Variants in SCML4 observed in about 807,000 individuals in gnomAD.
The protein encoded by SCML4 is Scm polycomb group protein like 4, also known as sex comb on midleg-like protein 4.
SCML4 carries 34 observed loss-of-function variants against 41.1 expected under a neutral mutation model. The observed-to-expected ratio is 0.83, with a 90% confidence interval of 0.63 to 1.10. SCML4 has a LOEUF of 1.10. Ranked by LOEUF, SCML4 falls within the 50% of genes least tolerant of loss-of-function variation. The pLI is 0.00. For synonymous variants in SCML4, 214 were observed against 220.9 expected (o/e 0.97, Z 0.28); for missense variants, 522 against 534.1 (o/e 0.98, Z 0.22).
At chr6:107,832,474 A>G in the SCML4 span, among the ~76,000 whole-genome samples, 1 of 152,128 alleles carries the variant, frequency 6.6e-6, no homozygotes, top group Non-Finnish European at 1.5e-5. Flanking sequence ...AGGAGCAAGG[A>G]AGCTTCTTTC....
At chr6:107,735,980 A>G (rs921223150) in intron 5 of SCML4, among the ~76,000 whole-genome samples, 13 of 152,132 alleles carry the variant, frequency 8.5e-5, no homozygotes, top group African/African-American at 2.9e-4. Flanking sequence ...TTTTCTACCC[A>G]TCATTCCACA....
chr6:107,708,923 C>T (rs914526340), intron 6 of SCML4, among the ~76,000 whole-genome samples: 1 of 152,164 alleles, frequency 6.6e-6, no homozygotes, highest in African/African-American at 2.4e-5. Context: ...GCTCCTCTTC[C>T]TATCTCCCCC....
chr6:107,815,229 T>C (rs1477102396), intron 1 of SCML4, among the ~76,000 whole-genome samples: 1 of 152,222 alleles, frequency 6.6e-6, no homozygotes, highest in Non-Finnish European at 1.5e-5. Flanking sequence ...GTGATGGTTG[T>C]ATCTGATACA....
At chr6:107,761,808 CT>C (rs71015510) in intron 2 of SCML4, among the ~76,000 whole-genome samples, 107,344 of 147,742 alleles carry the variant, frequency 0.73, 40,408 homozygotes, top group East Asian at 0.9. Flanking sequence ...AAAAAAAAGT[CT>C]TTTTTTTTTT....
At chr6:107,709,412 T>C (rs1774014812) in intron 6 of SCML4, among the ~76,000 whole-genome samples, 1 of 152,204 alleles carries the variant, frequency 6.6e-6, no homozygotes, top group Non-Finnish European at 1.5e-5. Context: ...AATGGGATAG[T>C]GCCCTGCCCC....
intron 1 of SCML4, among the ~76,000 whole-genome samples, chr6:107,792,851 G>A (rs1782439958): frequency 6.6e-6 from 1 of 152,158 alleles, no homozygotes. Flanking sequence ...ACCTCACTTA[G>A]ATTTTGGTGT....
rs139960180 is a variant in SCML4, at chr6:107,776,573, T to C, written c.-59-4187A>G. 1.9e-3 allele frequency among the ~76,000 whole-genome samples: 294 copies of C among 152,326 alleles called. 2 individuals are homozygous for C. The highest frequency in any genetic ancestry group is 6.8e-3 in the African/African-American group (283 of 41,578). On this transcript the variant is annotated intron_variant, in intron 1 of 7. Transcript: ENST00000369020. ...TGATAAATGTGAAAAACCCTGACAA[T>C]ACTCATGTTGGTGAGGGGCTGATGC...
At chr6:107,840,348 C>G in the SCML4 span, among the ~76,000 whole-genome samples, 1 of 152,326 alleles carries the variant, frequency 6.6e-6, no homozygotes, top group African/African-American at 2.4e-5. Context: ...AGGTGCCTGG[C>G]ACACACCTAT....
chr6:107,727,665 C>T (rs1046865282), intron 5 of SCML4, among the ~76,000 whole-genome samples: 2 of 152,244 alleles, frequency 1.3e-5, no homozygotes, highest in African/African-American at 4.8e-5. Context: ...CGCTGCATCT[C>T]TTCCCTCTGG....
intron 1 of SCML4, among the ~76,000 whole-genome samples, chr6:107,806,995 G>A (rs1380445267): frequency 1.3e-5 from 2 of 152,020 alleles, no homozygotes; most frequent in Non-Finnish European, 2.9e-5. Flanking sequence ...ACCAGGGTAG[G>A]GAGAGGAGGG....
intron 1 of SCML4, among the ~76,000 whole-genome samples, chr6:107,801,123 G>A (rs1390897114): frequency 1.3e-5 from 2 of 152,162 alleles, no homozygotes; most frequent in Non-Finnish European, 2.9e-5. Flanking sequence ...TGTGGTTTAT[G>A]TCTTCTGACT....
chr6:107,823,261 C>A lies in SCML4; in HGVS notation c.-60+865G>T, dbSNP rs534263020. Among the ~76,000 whole-genome samples the A allele has an allele frequency of 4.4e-4, 67 of 152,286 alleles. 1 individual carries two copies. Among genetic ancestry groups the A allele is most frequent in the African/African-American group, 1.5e-3 (61 of 41,544 alleles). On this transcript the variant is annotated intron_variant, in intron 1 of 7. Coordinates refer to ENST00000369020, the MANE Select transcript of SCML4 (RefSeq NM_198081.5). Reference sequence around the variant, plus strand: ...ACAACACGAGGAGACACCTCTCGTTCACGATCACAGATAGTGGAAAGAACT... The same window carrying A: ...ACAACACGAGGAGACACCTCTCGTTAACGATCACAGATAGTGGAAAGAACT...
chr6:107,764,214 G>A (rs1023374403), intron 2 of SCML4, among the ~76,000 whole-genome samples: 3 of 152,168 alleles, frequency 2.0e-5, no homozygotes, highest in East Asian at 1.9e-4. Flanking sequence ...GGGTCTACTC[G>A]TACATTTTTC....
intron 6 of SCML4, chr6:107,720,370 T>C: frequency 9.8e-7 from 1 of 1,019,452 alleles, no homozygotes; most frequent in Non-Finnish European, 1.2e-6. Context: ...AGATGGAGCC[T>C]ATGTCCCTAT....
intron 1 of SCML4, among the ~76,000 whole-genome samples, chr6:107,800,617 T>C (rs892992250): frequency 5.9e-5 from 9 of 152,174 alleles, no homozygotes; most frequent in African/African-American, 2.2e-4. Context: ...AATTTGTGTT[T>C]TTTGTGTATG....
At chr6:107,767,869 T>C (rs1438134404) in intron 2 of SCML4, among the ~76,000 whole-genome samples, 1 of 152,150 alleles carries the variant, frequency 6.6e-6, no homozygotes, top group Non-Finnish European at 1.5e-5. Flanking sequence ...AGGCGTGCCC[T>C]CTGCTAGCTC....
At chr6:107,813,749 A>C (rs115949838) in intron 1 of SCML4, among the ~76,000 whole-genome samples, 103 of 152,306 alleles carry the variant, frequency 6.8e-4, no homozygotes, top group African/African-American at 2.3e-3. Context: ...GTAGCTTCTC[A>C]TAGCTCACCA....
chr6:107,814,749 C>T (rs1784441797), intron 1 of SCML4, among the ~76,000 whole-genome samples: 2 of 152,144 alleles, frequency 1.3e-5, no homozygotes, highest in East Asian at 1.9e-4. Context: ...GACGGGGTTT[C>T]GCCACATTGG....
chr6:107,778,997 C>G (rs6903855), intron 1 of SCML4, among the ~76,000 whole-genome samples: 8 of 151,826 alleles, frequency 5.3e-5, no homozygotes, highest in Non-Finnish European at 1.0e-4. Flanking sequence ...TGGCTAACAC[C>G]GTGAAACCCC....
Sources: gnomAD v4.1 joint callset for allele counts (sites outside exome capture counted in the v4.1 genomes callset) on GRCh38, gnomAD v4.1.1 for gene constraint, MANE v1.5 for transcripts, NCBI Gene and HGNC (gene_info 2026-07-23, HGNC 2026-07-21) for gene names.